The following TRIP6 variants were observed in gnomAD, a reference collection of about 807,000 sequenced individuals.
TRIP6 encodes thyroid receptor-interacting protein 6.
TRIP6 carries 33 observed loss-of-function variants against 51.9 expected under a neutral mutation model. That is an observed-to-expected ratio of 0.64 (90% CI 0.48 to 0.85). TRIP6 has a LOEUF of 0.85. Ranked by LOEUF, TRIP6 falls within the 40% of genes least tolerant of loss-of-function variation. The pLI, the probability that TRIP6 is intolerant of heterozygous loss-of-function variation, is 0.00. For synonymous variants in TRIP6, 255 were observed against 275.8 expected (o/e 0.92, Z 0.75); for missense variants, 661 against 652.1 (o/e 1.01, Z -0.15).
chr7:100,870,939 C>T, intron 6 of TRIP6, 196 bp downstream of exon 6: 2 of 742,730 alleles, frequency 2.7e-6, no homozygotes, highest in Non-Finnish European at 4.5e-6. Flanking sequence ...GGGAAGGACG[C>T]AGCTCTTACA....
chr7:100,871,247 C>A (rs1296535860), intron 6 of TRIP6: 2 of 508,158 alleles, frequency 3.9e-6, no homozygotes, highest in Non-Finnish European at 3.6e-6. Flanking sequence ...GTTGGCCAGG[C>A]TGTTTTGAAA....
In TRIP6 at chr7:100,873,261, G is replaced by C. The variant is rs1815316761; in HGVS notation, c.1389G>C (p.Trp463Cys). The C allele has an allele frequency of 1.2e-6, 2 of 1,613,090 alleles. No individual in the cohort carries two copies. The highest frequency in any genetic ancestry group is 4.5e-5 in the East Asian group (2 of 44,822). Residue 463 changes from tryptophan to cysteine, a missense_variant, in exon 9 of 9, where the codon TGG (tryptophan) becomes TGC (cysteine). Coordinates refer to ENST00000200457, the MANE Select transcript of TRIP6 (RefSeq NM_003302.3). ...TCTTGTGCAAGGCCTGCAGCGCCTG[G>C]CGCATCCAGGAGCTCTCAGCCACCG... ...GHILCKACSA[W>C]RIQELSATVT...
At position 100,872,679 on chromosome 7, in the gene TRIP6, CAGG is replaced by C; in HGVS notation, c.1240_1242del (p.Glu414del). The C allele has an allele frequency of 6.2e-7, 1 of 1,614,096 alleles. No individual in the cohort carries two copies. On this transcript the variant is annotated inframe_deletion, in exon 8 of 9. Coordinates refer to ENST00000200457, the MANE Select transcript of TRIP6 (RefSeq NM_003302.3). ...TGGGGCCATAATGCCTGAGCCAGGT[CAGG>C]AGGAGACTGTGAGAATTGTTGCTCT...
Position 100,868,196 on chromosome 7 carries a change from G to A in TRIP6, c.326G>A (p.Gly109Glu). Residue 109 changes from glycine to glutamate, a missense_variant, in exon 3 of 9, where the codon GGG (glycine) becomes GAG (glutamate). Physicochemically the swap from Gly to Glu is moderately conservative, Grantham distance 98. Coordinates refer to ENST00000200457, the MANE Select transcript of TRIP6 (RefSeq NM_003302.3). ...AGCAGCACGCTGGCCGAGCTGAATG[G>A]GGGTCGGGGTCATGCGTCACGGCGA... Reference protein sequence around the residue: ...LLSSTLAELNGGRGHASRRPD... With the variant: ...LLSSTLAELNEGRGHASRRPD... The A allele has an allele frequency of 6.2e-7, 1 of 1,609,248 alleles. No homozygotes were observed. Among genetic ancestry groups the A allele is most frequent in the Middle Eastern group, 1.7e-4 (1 of 5,976 alleles).
Position 100,867,846 on chromosome 7 carries a change from C to T in TRIP6, c.110-15C>T, listed in dbSNP as rs1220122100. On this transcript the variant is annotated splice_polypyrimidine_tract_variant and intron_variant, in intron 1 of 8. Transcript: ENST00000200457. The surrounding 1 kb of genome is among the most constrained non-coding windows in gnomAD (Gnocchi z 5.4). ...CTCCGCCACCCCACCTTTGATTTCT[C>T]TTCCCTCAACCCAGCACTCCAGCCC... The T allele has an allele frequency of 1.3e-6, 2 of 1,539,494 alleles. No homozygotes were observed. Among genetic ancestry groups the T allele is most frequent in the Non-Finnish European group, 8.7e-7 (1 of 1,151,242 alleles).
chr7:100,868,035 C>A, intron 2 of TRIP6, 47 bp downstream of exon 2: 3 of 1,537,220 alleles, frequency 2.0e-6, no homozygotes, highest in South Asian at 1.3e-5. Context: ...CCCCCAGAAC[C>A]GAGTCTGAGG....
Position 100,867,797 on chromosome 7 carries a change from C to T in TRIP6, c.110-64C>T. On this transcript the variant is annotated intron_variant, in intron 1 of 8. Transcript: ENST00000200457. The surrounding 1 kb of genome is among the most constrained non-coding windows in gnomAD (Gnocchi z 5.4). ...GTAACGAGAGGCGGAGAGGGTGGCT[C>T]CTCAAATATACACCCCTCCTGTCCT... 4 of 1,522,254 alleles carry T rather than the reference C, an allele frequency of 2.6e-6. No homozygotes were observed. The highest frequency in any genetic ancestry group is 1.4e-5 in the African/African-American group (1 of 70,930). 94.3% of individuals were successfully genotyped at this position (1,522,254 alleles called of 1,614,324 possible). A position where few individuals can be genotyped will look rare whatever the true frequency, so the allele number is the denominator to read the frequency against.
chr7:100,873,251 G>A lies in TRIP6; in HGVS notation c.1379G>A (p.Cys460Tyr). ...PLDGHILCKA[C>Y]SAWRIQELSA... ...GATGGGCACATCTTGTGCAAGGCCT[G>A]CAGCGCCTGGCGCATCCAGGAGCTC... The change falls in exon 9 of 9, where the codon TGC (cysteine) becomes TAC (tyrosine). Residue 460 changes from cysteine to tyrosine, a missense_variant. Physicochemically the swap from Cys to Tyr is radical, Grantham distance 194 (BLOSUM62 -2). Transcript: ENST00000200457. 6.2e-7 allele frequency: 1 copy of A among 1,613,426 alleles called. No individual in the cohort carries two copies. Among genetic ancestry groups the A allele is most frequent in the Non-Finnish European group, 8.5e-7 (1 of 1,179,544 alleles).
rs1815176694 is a variant in TRIP6 at position 100,867,873 on chromosome 7, AC to A, written c.126del (p.Arg43GlyfsTer55). 3 of 1,530,498 alleles carry A rather than the reference AC, an allele frequency of 2.0e-6. No homozygotes were observed. The highest frequency in any genetic ancestry group is 2.3e-5 in the East Asian group (1 of 42,568). The allele number at this position is 1,530,498 out of a possible 1,614,324, so 94.8% of individuals were successfully genotyped here. On this transcript the variant is annotated frameshift_variant, in exon 2 of 9. Transcript: ENST00000200457. LOFTEE classifies it high-confidence loss of function. This position sits in a 1 kb window ranked among gnomAD's most constrained non-coding sequence, Gnocchi z 5.4. ...TCCCTCAACCCAGCACTCCAGCCCC[AC>A]CCCAGGGTCAATTTTTGCCCCCTTC... ...PPAHGAALQP[H>X]PRVNFCPLPS...
intron 8 of TRIP6, 169 bp downstream of exon 8, chr7:100,872,913 C>G: frequency 8.2e-7 from 1 of 1,212,882 alleles, no homozygotes; most frequent in Non-Finnish European, 1.1e-6. Context: ...TGCAGTGGCA[C>G]AATCTTGGCT....
Position 100,868,529 on chromosome 7 carries a change from C to T in TRIP6, c.398C>T (p.Thr133Met), listed in dbSNP as rs541670413. Residue 133 changes from threonine (T) to methionine (M), a missense_variant, in exon 4 of 9, where the codon ACG becomes ATG. Physicochemically the swap from Thr to Met is moderately conservative, Grantham distance 81. Transcript: ENST00000200457. ...YEPPPPPAYR[T>M]GSLKPNPASP... ...CCCCCGCCACCTCCTGCCTACCGCA[C>T]GGGCTCCCTGAAGCCAAATCCAGCC... The T allele has an allele frequency of 2.2e-5, 36 of 1,613,058 alleles. No homozygotes were observed. The South Asian group carries it at 3.2e-4, about 14-fold the overall frequency.
intron 3 of TRIP6, 81 bp from the exon 4 acceptor site, chr7:100,868,414 C>G (rs903010494): frequency 2.5e-5 from 40 of 1,601,718 alleles, no homozygotes; most frequent in Non-Finnish European, 3.4e-5. Context: ...CTGTGCTTCC[C>G]CACAGCCAGG....
rs375537231 is a variant in TRIP6 at position 100,870,433 on chromosome 7, A to T, written c.799A>T (p.Met267Leu). ...GCTGACGAAGAAGCTGGTTCACGAC[A>T]TGAACCACCCGCCCAGCGGGGAGTA... ...DRLTKKLVHD[M>L]NHPPSGEYFG... Residue 267 changes from methionine to leucine, a missense_variant, in exon 5 of 9, where the codon ATG (methionine) becomes TTG (leucine). Met to Leu is a conservative substitution (Grantham distance 15, BLOSUM62 2). Transcript: ENST00000200457. The T allele has an allele frequency of 2.5e-6, 4 of 1,609,200 alleles. No individual in the cohort carries two copies. Among genetic ancestry groups the T allele is most frequent in the African/African-American group, 1.3e-5 (1 of 74,528 alleles).
intron 4 of TRIP6, among the ~76,000 whole-genome samples, chr7:100,869,998 C>T (rs988944139): frequency 2.0e-5 from 3 of 152,040 alleles, no homozygotes; most frequent in Non-Finnish European, 4.4e-5. Flanking sequence ...CATGTAGGAT[C>T]AGTGGGAGCC....
chr7:100,869,706 G>T (rs562931696), intron 4 of TRIP6, among the ~76,000 whole-genome samples: 1 of 147,486 alleles, frequency 6.8e-6, no homozygotes, highest in African/African-American at 2.5e-5. Context: ...GAGCTTTCTA[G>T]CTGGAACTGC....
At chr7:100,871,372 A>G (rs1234282947) in intron 6 of TRIP6, among the ~76,000 whole-genome samples, 171 bp from the exon 7 acceptor site, 2 of 152,188 alleles carry the variant, frequency 1.3e-5, no homozygotes, top group East Asian at 1.9e-4. Flanking sequence ...AATACCGTGT[A>G]TAGTGCTGGG....
At chr7:100,869,906 A>G (rs1226298625) in intron 4 of TRIP6, among the ~76,000 whole-genome samples, 1 of 151,622 alleles carries the variant, frequency 6.6e-6, no homozygotes, top group African/African-American at 2.4e-5. Flanking sequence ...AATAGAATAT[A>G]TAGTATATAT....
chr7:100,867,535 A>G lies in TRIP6; in HGVS notation c.38A>G (p.Glu13Gly). The change falls in exon 1 of 9, where the codon GAG (glutamate) becomes GGG (glycine). Residue 13 changes from glutamate to glycine, a missense_variant. By Grantham distance (98) the Glu-to-Gly change is moderately conservative. Transcript: ENST00000200457. This position sits in a 1 kb window ranked among gnomAD's most constrained non-coding sequence, Gnocchi z 5.4. ...GPTWLPPKQPEPARAPQGRAI... is the reference protein window; with the variant it reads ...GPTWLPPKQPGPARAPQGRAI... ...ACCTGGCTGCCCCCGAAGCAGCCGG[A>G]GCCCGCCAGAGCCCCTCAGGGGAGG... 6.6e-7 allele frequency: 1 copy of G among 1,522,778 alleles called. No individual in the cohort carries two copies. The highest frequency in any genetic ancestry group is 1.4e-5 in the African/African-American group (1 of 71,572). The allele number at this position is 1,522,778 out of a possible 1,614,324, so 94.3% of individuals were successfully genotyped here.
At position 100,873,176 on chromosome 7, in the gene TRIP6, G is replaced by A. The variant is rs773004429; in HGVS notation, c.1304G>A (p.Cys435Tyr). 1.4e-5 allele frequency: 23 copies of A among 1,611,850 alleles called. No individual in the cohort carries two copies. The South Asian group carries it at 2.5e-4, about 18-fold the overall frequency. ...TTGTTGCTTCTTTTTCAACAGGAGT[G>A]TGGGCTGCTGCTCTCCTCTGAGGGC... ...FHIGCYKCEE[C>Y]GLLLSSEGEC... The change falls in exon 9 of 9, where the codon TGT becomes TAT. Residue 435 changes from cysteine (C) to tyrosine (Y), a missense_variant. Physicochemically the swap from Cys to Tyr is radical, Grantham distance 194. Coordinates refer to ENST00000200457, the MANE Select transcript of TRIP6 (RefSeq NM_003302.3).
Sources: allele counts gnomAD v4.1 joint callset (sites outside exome capture counted in the v4.1 genomes callset), GRCh38; gene constraint gnomAD v4.1.1; non-coding constraint Gnocchi (gnomAD v3.1); transcripts MANE v1.5; gene names NCBI Gene and HGNC (gene_info 2026-07-23, HGNC 2026-07-21).